Variants in UBE2H observed in about 807,000 individuals in gnomAD.
The protein encoded by UBE2H is ubiquitin conjugating enzyme E2 H, also known as ubiquitin-conjugating enzyme E2 H.
UBE2H carries 3 observed loss-of-function variants against 29.0 expected under a neutral mutation model. The observed-to-expected ratio is 0.10, with a 90% CI of 0.05 to 0.27. The LOEUF is 0.27. Among genes scored for constraint, UBE2H ranks in the 10% least tolerant of loss-of-function variants. The pLI is 1.00. For synonymous variants in UBE2H, 69 were observed against 82.9 expected (o/e 0.83, Z 0.91); for missense variants, 68 against 228.2 (o/e 0.30, Z 4.52).
At chr7:129,913,466 G>A (rs545139527) in intron 1 of UBE2H, among the ~76,000 whole-genome samples, 1 of 152,172 alleles carries the variant, frequency 6.6e-6, no homozygotes, top group Non-Finnish European at 1.5e-5. Flanking sequence ...TAGAAGAGAA[G>A]AGCCACACAG....
chr7:129,944,901 T>C (rs1351513008), intron 1 of UBE2H, among the ~76,000 whole-genome samples: 1 of 151,688 alleles, frequency 6.6e-6, no homozygotes, highest in African/African-American at 2.4e-5. Flanking sequence ...CATTAAGAGG[T>C]GAATGCATAA....
chr7:129,877,688 T>G (rs898987238), intron 3 of UBE2H, among the ~76,000 whole-genome samples: 11 of 152,206 alleles, frequency 7.2e-5, no homozygotes, highest in African/African-American at 2.7e-4. Context: ...CCAACCAAAT[T>G]TCATATTGCA....
At chr7:129,864,952 C>T (rs992470344) in intron 3 of UBE2H, 6 of 299,830 alleles carry the variant, frequency 2.0e-5, no homozygotes, top group African/African-American at 1.3e-4. Flanking sequence ...GTAGTTCTAG[C>T]ACTCGTTAAA....
chr7:129,847,444 T>C (rs1360905574), intron 5 of UBE2H, among the ~76,000 whole-genome samples: 2 of 152,110 alleles, frequency 1.3e-5, no homozygotes, highest in Non-Finnish European at 2.9e-5. Flanking sequence ...GCCCAGGAGT[T>C]TGAAGTTACA....
rs368167421 is a variant in UBE2H, at chr7:129,882,743, T to G, written c.54-1772A>C. On this transcript the variant is annotated intron_variant, in intron 1 of 6. Transcript: ENST00000355621. ...CACCCTCTGACATCCTGCAAAATAT[T>G]CCAAAGTTAACGTTAATGTAATAAG... Among the ~76,000 whole-genome samples the G allele has an allele frequency of 1.1e-3, 170 of 152,302 alleles. 2 individuals carry two copies. Among genetic ancestry groups the G allele is most frequent in the Middle Eastern group, 3.4e-3 (1 of 294 alleles).
chr7:129,906,691 T>TGAAAAA (rs561264032), intron 1 of UBE2H, among the ~76,000 whole-genome samples: 3 of 152,170 alleles, frequency 2.0e-5, no homozygotes, highest in African/African-American at 7.2e-5. Flanking sequence ...GTAAAGTTAC[T>TGAAAAA]GAAAAAGAAA....
At position 129,879,706 on chromosome 7, in the gene UBE2H, T is replaced by C. The variant is rs138766701; in HGVS notation, c.131-64A>G. The C allele has an allele frequency of 1.0e-3, 1,489 of 1,435,400 alleles. 12 individuals carry two copies. In the African/African-American group the frequency reaches 0.015, roughly 15 times the overall value. The allele number at this position is 1,435,400 out of a possible 1,614,324, so 88.9% of individuals were successfully genotyped here. A position where few individuals can be genotyped will look rare whatever the true frequency, so the allele number is the denominator to read the frequency against. On this transcript the variant is annotated intron_variant, in intron 2 of 6. Transcript: ENST00000355621. ...CCAAATTAGAAAATAAATCTGAGTGTAAATTAAACATTATCCCCTAATCTT... is the reference window on the plus strand; with the variant it reads ...CCAAATTAGAAAATAAATCTGAGTGCAAATTAAACATTATCCCCTAATCTT...
intron 1 of UBE2H, among the ~76,000 whole-genome samples, chr7:129,927,745 T>C (rs192260748): frequency 2.2e-4 from 34 of 152,242 alleles, no homozygotes; most frequent in African/African-American, 6.3e-4. Flanking sequence ...TTCTCACTCA[T>C]ACGTGGGAGC....
At chr7:129,894,137 G>A (rs1806554093) in intron 1 of UBE2H, among the ~76,000 whole-genome samples, 1 of 152,044 alleles carries the variant, frequency 6.6e-6, no homozygotes, top group African/African-American at 2.4e-5. Flanking sequence ...TCTGGCAACA[G>A]AGACTCTGTC....
At chr7:129,906,073 A>C (rs1228006384) in intron 1 of UBE2H, among the ~76,000 whole-genome samples, 7 of 152,212 alleles carry the variant, frequency 4.6e-5, no homozygotes, top group Non-Finnish European at 7.3e-5. Context: ...ATCCAAGACC[A>C]GAGCTCAAGA....
chr7:129,942,401 C>T (rs1158571794), intron 1 of UBE2H, among the ~76,000 whole-genome samples: 2 of 151,948 alleles, frequency 1.3e-5, no homozygotes, highest in Non-Finnish European at 2.9e-5. Flanking sequence ...GCAGGAGAAT[C>T]GCTTGAACCT....
intron 5 of UBE2H, among the ~76,000 whole-genome samples, chr7:129,846,821 A>T (rs1805519610): frequency 6.6e-6 from 1 of 152,032 alleles, no homozygotes; most frequent in Admixed American, 6.6e-5. Context: ...TCTCAATCCC[A>T]CTTACCCCAT....
At chr7:129,892,795 A>G (rs897094382) in intron 1 of UBE2H, among the ~76,000 whole-genome samples, 1 of 152,094 alleles carries the variant, frequency 6.6e-6, no homozygotes, top group Non-Finnish European at 1.5e-5. Flanking sequence ...AAATGTATCT[A>G]TAGTAGGCTA....
intron 1 of UBE2H, among the ~76,000 whole-genome samples, chr7:129,884,212 T>C (rs1806311822): frequency 6.6e-6 from 1 of 152,108 alleles, no homozygotes; most frequent in Non-Finnish European, 1.5e-5. Flanking sequence ...GGTCAGGAGA[T>C]CGAGACCATC....
chr7:129,867,509 T>C (rs565288330), intron 3 of UBE2H, among the ~76,000 whole-genome samples: 45 of 76,660 alleles, frequency 5.9e-4, no homozygotes, highest in Middle Eastern at 6.4e-3. Flanking sequence ...TGAGATCACA[T>C]GGACACAGGA....
chr7:129,841,140 A>G (rs1209790681), intron 5 of UBE2H, among the ~76,000 whole-genome samples: 1 of 152,220 alleles, frequency 6.6e-6, no homozygotes, highest in African/African-American at 2.4e-5. Flanking sequence ...CTTTTTGTAA[A>G]GGGTCAAATA....
chr7:129,875,665 C>T lies in UBE2H; in HGVS notation c.205+3903G>A, dbSNP rs557086835. ...CATTCTTTTGGATTAGACATAAAACCATTTTGTATCCTCTGCTTATTTTTT... is the reference window on the plus strand; with the variant it reads ...CATTCTTTTGGATTAGACATAAAACTATTTTGTATCCTCTGCTTATTTTTT... On this transcript the variant is annotated intron_variant, in intron 3 of 6. Transcript: ENST00000355621. 3.3e-5 allele frequency among the ~76,000 whole-genome samples: 5 copies of T among 152,142 alleles called. No individual in the cohort carries two copies. In the East Asian group the frequency reaches 9.7e-4, roughly 29 times the overall value.
Position 129,858,937 on chromosome 7 carries a change from G to A in UBE2H, c.210C>T (p.Phe70=). The A allele has an allele frequency of 1.2e-6, 2 of 1,610,098 alleles. No homozygotes were observed. Among genetic ancestry groups the A allele is most frequent in the South Asian group, 2.2e-5 (2 of 90,752 alleles). ...KYPFKSPSIG[F]MNKIFHPNID... is the part of the protein sequence containing the mutation. Reference sequence around the variant, plus strand: ...TGTTGGGATGGAAAATTTTATTCATGAATCCTGTAAAAAGAGATGTTAATT... The same window carrying A: ...TGTTGGGATGGAAAATTTTATTCATAAATCCTGTAAAAAGAGATGTTAATT... Residue 70 remains phenylalanine (F), a synonymous_variant, in exon 4 of 7, where the codon TTC becomes TTT. Transcript: ENST00000355621.
chr7:129,870,142 G>C (rs903623112), intron 3 of UBE2H, among the ~76,000 whole-genome samples: 4 of 151,838 alleles, frequency 2.6e-5, no homozygotes, highest in Non-Finnish European at 5.9e-5. Context: ...TCAACAGCTT[G>C]CACACATGTT....
Sources: gnomAD v4.1 joint callset for allele counts (sites outside exome capture counted in the v4.1 genomes callset) on GRCh38, gnomAD v4.1.1 for gene constraint, MANE v1.5 for transcripts, NCBI Gene and HGNC (gene_info 2026-07-23, HGNC 2026-07-21) for gene names.